Variants in CHAT observed in about 807,000 individuals in gnomAD.
CHAT encodes choline O-acetyltransferase, also known as acetyl CoA:choline O-acetyltransferase.
A neutral mutation model predicts 76.9 loss-of-function variants in CHAT; 61 were observed. The observed-to-expected ratio is 0.79, with a 90% CI of 0.65 to 0.98. The LOEUF (loss-of-function observed/expected upper bound fraction) is 0.98. CHAT is among the 50% of genes least tolerant of loss of function. CHAT has a pLI of 0.00. For missense variants in CHAT, 946 were observed against 986.9 expected, an observed-to-expected ratio of 0.96 and a Z score of 0.56; for synonymous variants, 407 against 397.4, an observed-to-expected ratio of 1.02 and a Z score of -0.29.
chr10:49,655,091 G>T lies in CHAT; in HGVS notation c.1635-4G>T. The T allele has an allele frequency of 1.2e-6, 2 of 1,613,966 alleles. No individual in the cohort carries two copies. The highest frequency in any genetic ancestry group is 2.2e-5 in the East Asian group (1 of 44,872). ...ATGTGCCATTCATCCTTCATCCCAC[G>T]CAGGCTCCATCGAAGACTGGTGCCC... On this transcript the variant is annotated splice_region_variant and splice_polypyrimidine_tract_variant and intron_variant, in intron 11 of 14. Coordinates refer to ENST00000337653, the MANE Select transcript of CHAT (RefSeq NM_020549.5).
intron 11 of CHAT, 27 bp downstream of exon 11, chr10:49,652,033 C>T (rs1459621378): frequency 3.7e-6 from 6 of 1,613,892 alleles, no homozygotes; most frequent in African/African-American, 1.3e-5. Context: ...TGAGTCTGTA[C>T]CCTGGAGGGC....
intron 7 of CHAT, among the ~76,000 whole-genome samples, chr10:49,644,805 AGAGC>A (rs1839605671): frequency 6.6e-6 from 1 of 152,238 alleles, no homozygotes; most frequent in African/African-American, 2.4e-5. Context: ...TCACCTGGGC[AGAGC>A]GAAGACCAGT....
At chr10:49,649,754 G>A (rs1271081711) in intron 10 of CHAT, 118 bp downstream of exon 10, 4 of 1,062,488 alleles carry the variant, frequency 3.8e-6, no homozygotes, top group Non-Finnish European at 5.8e-6. Flanking sequence ...CCTCTCCTTG[G>A]GCTCCACCTC....
At chr10:49,631,115 G>A (rs552569867) in intron 7 of CHAT, among the ~76,000 whole-genome samples, 7 of 152,294 alleles carry the variant, frequency 4.6e-5, no homozygotes, top group South Asian at 2.1e-4. Flanking sequence ...TGGTAGGGAC[G>A]GTGAAGGTGT....
Position 49,621,907 on chromosome 10 carries a change from C to T in CHAT, c.699-190C>T, listed in dbSNP as rs111470900. Among the ~76,000 whole-genome samples, 2,213 of 12,836 alleles carry T rather than the reference C, an allele frequency of 0.17. 64 individuals are homozygous for T. Among genetic ancestry groups the T allele is most frequent in the African/African-American group, 0.36 (2,105 of 5,840 alleles). The allele number at this position is 12,836 out of a possible 152,430, so 8.4% of individuals were successfully genotyped here. A position where few individuals can be genotyped will look rare whatever the true frequency, so the allele number is the denominator to read the frequency against. On this transcript the variant is annotated intron_variant, in intron 4 of 14. Coordinates refer to ENST00000337653, the MANE Select transcript of CHAT (RefSeq NM_020549.5). ...AGGAACCACATCTGATTAGTGCACA[C>T]GGGGGCGGCATACAATGGGCGATCA...
chr10:49,613,635 C>A (rs1043093535), upstream of CHAT, among the ~76,000 whole-genome samples: 2 of 152,110 alleles, frequency 1.3e-5, no homozygotes, highest in South Asian at 4.2e-4. Context: ...CGGAGTCTGC[C>A]TTTGTCGGTC....
At chr10:49,661,843 A>T (rs900742298) in intron 13 of CHAT, among the ~76,000 whole-genome samples, 3 of 152,160 alleles carry the variant, frequency 2.0e-5, no homozygotes, top group Admixed American at 6.5e-5. Flanking sequence ...CCCCACTTCC[A>T]GACACCTCAC....
intron 14 of CHAT, 119 bp downstream of exon 14, chr10:49,662,901 A>G (rs1840241804): frequency 3.1e-6 from 4 of 1,270,078 alleles, no homozygotes; most frequent in African/African-American, 1.5e-5. Flanking sequence ...TTTCTGAACT[A>G]TGTGATCTTC....
intron 6 of CHAT, 110 bp from the exon 7 acceptor site, chr10:49,627,498 G>A: frequency 2.7e-6 from 3 of 1,131,274 alleles, no homozygotes; most frequent in East Asian, 2.3e-5. Flanking sequence ...AACACCTTGG[G>A]AACCTTGGGC....
chr10:49,655,317 C>T (rs75260645), intron 12 of CHAT, 69 bp from the exon 13 acceptor site: 241 of 1,613,046 alleles, frequency 1.5e-4, no homozygotes, highest in Admixed American at 3.7e-4. Context: ...GCTCGGCCCT[C>T]TGACCACCAG....
upstream of CHAT, chr10:49,611,541 G>C (rs1838296698): frequency 3.7e-6 from 6 of 1,603,172 alleles, no homozygotes; most frequent in East Asian, 1.1e-4. Flanking sequence ...AACCCTTCTC[G>C]GCGGCTGCAC....
intron 7 of CHAT, among the ~76,000 whole-genome samples, chr10:49,639,601 G>A (rs1230533422): frequency 2.0e-5 from 3 of 151,430 alleles, no homozygotes; most frequent in Non-Finnish European, 2.9e-5. Flanking sequence ...ATAGATACAT[G>A]TGTATATATG....
chr10:49,620,765 G>A, intron 4 of CHAT, 152 bp downstream of exon 4: 1 of 696,862 alleles, frequency 1.4e-6, no homozygotes, highest in East Asian at 2.8e-5. Context: ...AGGCCATCAG[G>A]TGGGGAGCAA....
At chr10:49,618,435 A>G (rs1352839251) in intron 2 of CHAT, among the ~76,000 whole-genome samples, 2 of 152,200 alleles carry the variant, frequency 1.3e-5, no homozygotes, top group Non-Finnish European at 2.9e-5. Flanking sequence ...AAGCAATATT[A>G]TTATAAGTTC....
chr10:49,614,049 A>G lies in CHAT; in HGVS notation c.-141A>G. 7.0e-7 allele frequency: 1 copy of G among 1,424,806 alleles called. No homozygotes were observed. Among genetic ancestry groups the G allele is most frequent in the Non-Finnish European group, 9.5e-7 (1 of 1,047,482 alleles). The allele number at this position is 1,424,806 out of a possible 1,614,324, so 88.3% of individuals were successfully genotyped here. ...TGCGGTGACTGGGAAATGCTGAGCT[A>G]GGGGCAGGAGGCATGGGCGGGACAG... On this transcript the variant is annotated 5_prime_UTR_variant, in exon 1 of 15. An upstream open reading frame in the 5' UTR loses its in-frame stop. Transcript: ENST00000337653.
At chr10:49,622,003 G>A (rs1268136434) in intron 4 of CHAT, 94 bp from the exon 5 acceptor site, 4 of 1,420,462 alleles carry the variant, frequency 2.8e-6, no homozygotes, top group Non-Finnish European at 4.0e-6. Context: ...GAGATGGAAG[G>A]AAGAGGGAAG....
chr10:49,665,530 G>A lies in CHAT; in HGVS notation c.*484G>A, dbSNP rs1172073278. On this transcript the variant is annotated 3_prime_UTR_variant, in exon 15 of 15. Coordinates refer to ENST00000337653, the MANE Select transcript of CHAT (RefSeq NM_020549.5). The stretch of plus-strand genomic sequence containing the variant: ...TGGGGGAGAGGAGGCTGTGTTTTGA[G>A]ATTCAGAGCATTCTTATCGTGGCAT... Among the ~76,000 whole-genome samples, 1 of 152,122 alleles carries A rather than the reference G, an allele frequency of 6.6e-6. No individual in the cohort carries two copies. The highest frequency in any genetic ancestry group is 1.5e-5 in the Non-Finnish European group (1 of 68,022).
chr10:49,613,349 C>G (rs1222029766), upstream of CHAT: 2 of 152,318 alleles, frequency 1.3e-5, no homozygotes, highest in Non-Finnish European at 2.9e-5. Flanking sequence ...GGTGCCAACC[C>G]CCACTGCCAC....
At chr10:49,661,750 C>T (rs1840200726) in intron 13 of CHAT, among the ~76,000 whole-genome samples, 1 of 151,998 alleles carries the variant, frequency 6.6e-6, no homozygotes, top group African/African-American at 2.4e-5. Context: ...TAGAATTGCT[C>T]CAAATAAACA....
Sources: gnomAD v4.1 joint callset for allele counts (sites outside exome capture counted in the v4.1 genomes callset) on GRCh38, gnomAD v4.1.1 for gene constraint, MANE v1.5 for transcripts, NCBI Gene and HGNC (gene_info 2026-07-23, HGNC 2026-07-21) for gene names.